GPRC5C: variants seen among roughly 807,000 people sequenced by gnomAD.
GPRC5C encodes the protein G protein-coupled receptor class C group 5 member C.
GPRC5C carries 22 observed loss-of-function variants against 31.4 expected under a neutral mutation model. That is an observed-to-expected ratio of 0.70 (90% confidence interval 0.50 to 1.00). The LOEUF (loss-of-function observed/expected upper bound fraction) is 1.00. Ranked by LOEUF, GPRC5C falls within the 50% of genes least tolerant of loss-of-function variation. The pLI is 0.00. For synonymous variants in GPRC5C, 249 were observed against 257.5 expected (o/e 0.97, Z 0.32); for missense variants, 557 against 597.2 (o/e 0.93, Z 0.70).
At chr17:74,447,948 A>AAGTAAACAATTT (rs1272393565), downstream of GPRC5C, among the ~76,000 whole-genome samples, 3 of 152,212 alleles carry the variant, frequency 2.0e-5, no homozygotes, top group Non-Finnish European at 4.4e-5. Context: ...TTGTTTACAA[A>AAGTAAACAATTT]TGGGTTGACA....
Position 74,447,255 on chromosome 17 carries a change from A to T in GPRC5C, c.*227A>T. Reference sequence around the variant, plus strand: ...GAGCCAACCCCAGCCTCCTGCCAGGATCACCTCGGCGGTCACACTCCAGCC... The same window carrying T: ...GAGCCAACCCCAGCCTCCTGCCAGGTTCACCTCGGCGGTCACACTCCAGCC... On this transcript the variant is annotated 3_prime_UTR_variant, in exon 4 of 4. Transcript: ENST00000392627. 7.7e-7 allele frequency: 1 copy of T among 1,293,862 alleles called. No homozygotes were observed. The highest frequency in any genetic ancestry group is 3.7e-5 in the Admixed American group (1 of 27,030). 80.1% of individuals were successfully genotyped at this position (1,293,862 alleles called of 1,614,324 possible).
At chr17:74,436,977 C>T (rs2055441347) in intron 1 of GPRC5C, among the ~76,000 whole-genome samples, 1 of 152,160 alleles carries the variant, frequency 6.6e-6, no homozygotes, top group Non-Finnish European at 1.5e-5. Context: ...GAGTCTCGCT[C>T]CGTCACCCAG....
intron 1 of GPRC5C, chr17:74,432,643 T>C (rs1462012636): frequency 6.9e-6 from 2 of 290,436 alleles, no homozygotes; most frequent in Non-Finnish European, 9.5e-6. Flanking sequence ...CCGCGCCAAC[T>C]CCGCTCGGTC....
intron 1 of GPRC5C, chr17:74,432,577 C>A (rs1002261552): frequency 5.7e-5 from 54 of 941,742 alleles, no homozygotes; most frequent in Non-Finnish European, 6.8e-5. Flanking sequence ...GTCGGGACGG[C>A]GGGGAGTGGG....
chr17:74,446,999 G>A lies in GPRC5C; in HGVS notation c.1297G>A (p.Val433Ile), dbSNP rs139362972. 1,555 of 1,614,110 alleles carry A rather than the reference G, an allele frequency of 9.6e-4. 7 individuals are homozygous for A. In the Middle Eastern group the frequency reaches 0.025, roughly 26 times the overall value. The change falls in exon 4 of 4, where the codon GTC becomes ATC. Residue 433 changes from valine to isoleucine, a missense_variant. Physicochemically the swap from Val to Ile is conservative, Grantham distance 29. Transcript: ENST00000392627. ...TPPKDGKNSQ[V>I]FRNPYVWD ...GCCGAAAGACGGCAAGAACTCTCAG[G>A]TCTTTAGAAACCCCTACGTGTGGGA...
rs1199645943 is a variant in GPRC5C, at chr17:74,447,041, G to A, written c.*13G>A. ...CGTGTGGGACTGAGTCAGCGGTGGC[G>A]AGGAGAGGCGGGCGGATTTGGGGAG... On this transcript the variant is annotated 3_prime_UTR_variant, in exon 4 of 4. Transcript: ENST00000392627. 19 of 1,602,884 alleles carry A rather than the reference G, an allele frequency of 1.2e-5. No individual in the cohort carries two copies. Among genetic ancestry groups the A allele is most frequent in the Middle Eastern group, 1.7e-4 (1 of 6,022 alleles).
At chr17:74,448,568 A>G (rs375699638), downstream of GPRC5C, among the ~76,000 whole-genome samples, 2 of 152,038 alleles carry the variant, frequency 1.3e-5, no homozygotes, top group African/African-American at 2.4e-5. Flanking sequence ...TAGTAGAGAC[A>G]GGGTTTCACC....
At chr17:74,442,255 G>A (rs1436468189) in intron 2 of GPRC5C, among the ~76,000 whole-genome samples, 1 of 152,114 alleles carries the variant, frequency 6.6e-6, no homozygotes, top group Non-Finnish European at 1.5e-5. Context: ...CGCCTGCCTC[G>A]GCATCCCAAA....
Position 74,439,862 on chromosome 17 carries a change from C to T in GPRC5C, c.86C>T (p.Pro29Leu). The change falls in exon 2 of 4, where the codon CCC becomes CTC. Residue 29 changes from proline to leucine, a missense_variant. By Grantham distance (98) the Pro-to-Leu change is moderately conservative. Transcript: ENST00000392627. Reference protein sequence around the residue: ...PGAWAQGHVPPGCSQGLNPLY... With the variant: ...PGAWAQGHVPLGCSQGLNPLY... Reference sequence around the variant, plus strand: ...GCCTGGGCCCAGGGCCATGTCCCACCCGGCTGCAGCCAAGGCCTCAACCCC... The same window carrying T: ...GCCTGGGCCCAGGGCCATGTCCCACTCGGCTGCAGCCAAGGCCTCAACCCC... 6.2e-7 allele frequency: 1 copy of T among 1,613,394 alleles called. No homozygotes were observed. The highest frequency in any genetic ancestry group is 8.5e-7 in the Non-Finnish European group (1 of 1,180,012).
intron 2 of GPRC5C, chr17:74,442,969 C>G (rs1444083986): frequency 6.6e-6 from 1 of 151,954 alleles, no homozygotes; most frequent in Non-Finnish European, 1.5e-5. Flanking sequence ...GTTTTTACTT[C>G]CTTTTTTTTT....
intron 1 of GPRC5C, chr17:74,432,509 G>T: frequency 9.8e-7 from 1 of 1,015,532 alleles, no homozygotes; most frequent in Non-Finnish European, 1.2e-6. Context: ...GAGCGGGGCC[G>T]GCGGCGAGTC....
intron 1 of GPRC5C, among the ~76,000 whole-genome samples, chr17:74,434,084 C>G (rs2055397107): frequency 6.6e-6 from 1 of 152,096 alleles, no homozygotes; most frequent in Non-Finnish European, 1.5e-5. Flanking sequence ...CACAGGAGAG[C>G]TGGGGGCAGG....
In GPRC5C at chr17:74,447,090, C is replaced by A; in HGVS notation, c.*62C>A. 2 of 1,558,414 alleles carry A rather than the reference C, an allele frequency of 1.3e-6. No individual in the cohort carries two copies. The highest frequency in any genetic ancestry group is 1.4e-5 in the African/African-American group (1 of 73,608). ...AGGGCCCTGAGGACCTGGCCCCGGGCAAGGGACTCTCCAGGCTCCTCCTCC... is the reference window on the plus strand; with the variant it reads ...AGGGCCCTGAGGACCTGGCCCCGGGAAAGGGACTCTCCAGGCTCCTCCTCC... On this transcript the variant is annotated 3_prime_UTR_variant, in exon 4 of 4. Transcript: ENST00000392627.
At chr17:74,447,855 C>T (rs1273010469), downstream of GPRC5C, among the ~76,000 whole-genome samples, 1 of 152,146 alleles carries the variant, frequency 6.6e-6, no homozygotes, top group Non-Finnish European at 1.5e-5. Context: ...CCATAGCGGA[C>T]AAAGTGGAGA....
At chr17:74,443,488 G>T (rs774034307) in intron 2 of GPRC5C, 18 of 470,864 alleles carry the variant, frequency 3.8e-5, no homozygotes, top group Middle Eastern at 3.8e-4. Context: ...TTGGCCTCTG[G>T]CCCCGGAGGG....
At chr17:74,441,927 CTTGT>C (rs1480584800) in intron 2 of GPRC5C, among the ~76,000 whole-genome samples, 2 of 152,212 alleles carry the variant, frequency 1.3e-5, no homozygotes, top group African/African-American at 4.8e-5. Flanking sequence ...CCTTCCAGAA[CTTGT>C]TTTTCTATTA....
At chr17:74,448,778 G>A, downstream of GPRC5C, 4 of 752,406 alleles carry the variant, frequency 5.3e-6, no homozygotes, top group Non-Finnish European at 8.0e-6. Context: ...TACCATTTTG[G>A]GGTGAGACAG....
At chr17:74,441,859 G>T (rs2055546351) in intron 2 of GPRC5C, among the ~76,000 whole-genome samples, 3 of 151,734 alleles carry the variant, frequency 2.0e-5, no homozygotes, top group Admixed American at 1.3e-4. Flanking sequence ...CACTCTTGAA[G>T]AATTAGCTAT....
At position 74,446,974 on chromosome 17, in the gene GPRC5C, G is replaced by A. The variant is rs773046918; in HGVS notation, c.1272G>A (p.Pro424=). 3.6e-5 allele frequency: 58 copies of A among 1,614,068 alleles called. No individual in the cohort carries two copies. Among genetic ancestry groups the A allele is most frequent in the East Asian group, 8.9e-5 (4 of 44,902 alleles). ...YSAQSHQAAT[P]PKDGKNSQVF... is the part of the protein sequence containing the mutation. ...CCCAGAGCCACCAGGCGGCCACACCGCCGAAAGACGGCAAGAACTCTCAGG... is the reference window on the plus strand; with the variant it reads ...CCCAGAGCCACCAGGCGGCCACACCACCGAAAGACGGCAAGAACTCTCAGG... Residue 424 remains proline, a synonymous_variant, in exon 4 of 4, where the codon CCG becomes CCA. Transcript: ENST00000392627.
Sources: gnomAD v4.1 joint callset for allele counts (sites outside exome capture counted in the v4.1 genomes callset) on GRCh38, gnomAD v4.1.1 for gene constraint, MANE v1.5 for transcripts, NCBI Gene and HGNC (gene_info 2026-07-23, HGNC 2026-07-21) for gene names.